Variants in CHD8 observed in about 807,000 individuals in gnomAD.
CHD8 encodes chromodomain helicase DNA binding protein 8, also known as ATP-dependent chromatin remodeler CHD8.
In CHD8, 31 loss-of-function variants were observed where a neutral mutation model predicts 279.2. That is an observed-to-expected ratio of 0.11 (90% CI 0.08 to 0.15). The LOEUF (loss-of-function observed/expected upper bound fraction) is 0.15. Among genes scored for constraint, CHD8 ranks in the 10% least tolerant of loss-of-function variants. The pLI, the probability that CHD8 is intolerant of heterozygous loss-of-function variation, is 1.00. For missense variants in CHD8, 2,146 were observed against 3,230.5 expected (o/e 0.66, Z 8.14); for synonymous variants, 1,081 against 1,139.6 (o/e 0.95, Z 1.04).
At chr14:21,414,726 G>A in intron 8 of CHD8, 3 of 611,070 alleles carry the variant, frequency 4.9e-6, no homozygotes, top group Non-Finnish European at 8.7e-6. Context: ...ATTTTATCAG[G>A]AACCACCCTC....
Position 21,394,113 on chromosome 14 carries a change from C to A in CHD8, c.5682G>T (p.Arg1894=). 1 of 1,613,682 alleles carries A rather than the reference C, an allele frequency of 6.2e-7. No homozygotes were observed. Among genetic ancestry groups the A allele is most frequent in the Non-Finnish European group, 8.5e-7 (1 of 1,179,756 alleles). Residue 1894 remains arginine (R), a synonymous_variant, in exon 32 of 38, where the codon CGG becomes CGT. Transcript: ENST00000646647. ...GGCATAAAACTTGTTCCCGTAAGCG[C>A]CGAAGCAATTCTATACGGTAGAGAG... ...SRTLYRIELL[R]RLREQVLCHP...
chr14:21,415,691 C>A, intron 6 of CHD8, 34 bp downstream of exon 6: 1 of 1,612,730 alleles, frequency 6.2e-7, no homozygotes, highest in South Asian at 1.1e-5. Flanking sequence ...ACCAGCAAGG[C>A]AATCCTCTGA....
intron 35 of CHD8, 53 bp from the exon 36 acceptor site, chr14:21,391,695 A>G: frequency 5.9e-6 from 3 of 510,188 alleles, no homozygotes; most frequent in Non-Finnish European, 7.7e-6. Flanking sequence ...TGGGGGAGGG[A>G]GGGAGGGGGA....
In CHD8 at chr14:21,403,357, T is replaced by C. The variant is rs1301948587; in HGVS notation, c.3518+96A>G. 1.6e-6 allele frequency: 2 copies of C among 1,269,934 alleles called. No homozygotes were observed. Among genetic ancestry groups the C allele is most frequent in the Admixed American group, 2.3e-5 (1 of 42,790 alleles). 78.7% of individuals were successfully genotyped at this position (1,269,934 alleles called of 1,614,324 possible). On this transcript the variant is annotated intron_variant, in intron 17 of 37. Coordinates refer to ENST00000646647, the MANE Select transcript of CHD8 (RefSeq NM_001170629.2). The surrounding 1 kb of genome is among the most constrained non-coding windows in gnomAD (Gnocchi z 4.3). ...GTGAGAATCTTAAAAACTTCTCTTA[T>C]TGCAATTGGTGAACTCTAATTAAAT...
rs537081908 is a variant in CHD8 at position 21,430,996 on chromosome 14, G to A, written c.648C>T (p.Ser216=). Residue 216 remains serine, a synonymous_variant, in exon 2 of 38, where the codon TCC becomes TCT. Transcript: ENST00000646647. ...LTGTPLRPGV[S]IVSGNTVLAA... Reference sequence around the variant, plus strand: ...CCAACACTGTATTACCAGAGACAATGGAAACACCTGGTCGAAGGGGTGTGC... The same window carrying A: ...CCAACACTGTATTACCAGAGACAATAGAAACACCTGGTCGAAGGGGTGTGC... The A allele has an allele frequency of 6.3e-6, 10 of 1,599,550 alleles. No individual in the cohort carries two copies. In the Admixed American group the frequency reaches 1.5e-4, roughly 24 times the overall value.
chr14:21,441,465 C>A (rs576057511), intron 1 of CHD8, among the ~76,000 whole-genome samples: 121 of 152,086 alleles, frequency 8.0e-4, no homozygotes, highest in Non-Finnish European at 1.6e-3. Flanking sequence ...TGTTTATTGG[C>A]CTTTTGCTAA....
Position 21,408,937 on chromosome 14 carries a change from A to C in CHD8, c.2365-112T>G. 1 of 1,093,256 alleles carries C rather than the reference A, an allele frequency of 9.1e-7. No homozygotes were observed. Among genetic ancestry groups the C allele is most frequent in the Non-Finnish European group, 1.3e-6 (1 of 773,976 alleles). The allele number at this position is 1,093,256 out of a possible 1,614,324, so 67.7% of individuals were successfully genotyped here. A position where few individuals can be genotyped will look rare whatever the true frequency, so the allele number is the denominator to read the frequency against. The stretch of plus-strand genomic sequence containing the variant: ...TTCAAAACAACATTGTTTGGATTAA[A>C]ACATGTCAAATATATTTAAATTTAT... On this transcript the variant is annotated intron_variant, in intron 11 of 37. Coordinates refer to ENST00000646647, the MANE Select transcript of CHD8 (RefSeq NM_001170629.2). The surrounding 1 kb of genome is among the most constrained non-coding windows in gnomAD (Gnocchi z 4.3).
At chr14:21,427,764 G>A in intron 4 of CHD8, 105 bp downstream of exon 4, 5 of 1,527,124 alleles carry the variant, frequency 3.3e-6, no homozygotes, top group Non-Finnish European at 4.4e-6. Context: ...TTGTTTTGGA[G>A]GTACCAGATG....
chr14:21,396,158 G>A (rs554416981), intron 27 of CHD8, among the ~76,000 whole-genome samples: 5 of 151,456 alleles, frequency 3.3e-5, no homozygotes, highest in African/African-American at 4.9e-5. Context: ...CACCGCACCC[G>A]GCTAATTTTC....
intron 27 of CHD8, 111 bp from the exon 28 acceptor site, chr14:21,396,003 T>TAATA (rs1451158167): frequency 1.3e-6 from 1 of 758,076 alleles, no homozygotes; most frequent in East Asian, 2.5e-5. Context: ...TAATCTTTAT[T>TAATA]AGTATTATTT....
rs183218559 is a variant in CHD8 at position 21,403,827 on chromosome 14, G to A, written c.3308-164C>T. On this transcript the variant is annotated intron_variant, in intron 16 of 37. Transcript: ENST00000646647. This position sits in a 1 kb window ranked among gnomAD's most constrained non-coding sequence, Gnocchi z 4.3. ...AAAAAGTCTTAAATCGGCTGGGTAC[G>A]GTGGCTCATGCCTGTAATCCCAACA... Among the ~76,000 whole-genome samples the A allele has an allele frequency of 1.4e-3, 218 of 152,282 alleles. 1 individual carries two copies. Among genetic ancestry groups the A allele is most frequent in the African/African-American group, 4.9e-3 (204 of 41,564 alleles).
chr14:21,405,660 G>A lies in CHD8; in HGVS notation c.3051+61C>T. 6.3e-7 allele frequency: 1 copy of A among 1,580,750 alleles called. No homozygotes were observed. Among genetic ancestry groups the A allele is most frequent in the Non-Finnish European group, 8.7e-7 (1 of 1,155,594 alleles). ...GAGATACCCATGACAACAGATGTCT[G>A]CCTTGTACAAACTTCACCTTCTTTG... On this transcript the variant is annotated intron_variant, in intron 15 of 37. Coordinates refer to ENST00000646647, the MANE Select transcript of CHD8 (RefSeq NM_001170629.2). The surrounding 1 kb of genome is among the most constrained non-coding windows in gnomAD (Gnocchi z 4.2).
rs1254024079 is a variant in CHD8, at chr14:21,402,611, T to C, written c.3715-108A>G. 4 of 1,069,156 alleles carry C rather than the reference T, an allele frequency of 3.7e-6. No individual in the cohort carries two copies. Among genetic ancestry groups the C allele is most frequent in the East Asian group, 5.3e-5 (2 of 38,082 alleles). 66.2% of individuals were successfully genotyped at this position (1,069,156 alleles called of 1,614,324 possible). On this transcript the variant is annotated intron_variant, in intron 18 of 37. Transcript: ENST00000646647. The surrounding 1 kb of genome is among the most constrained non-coding windows in gnomAD (Gnocchi z 4.5). ...TTCTTTCACCTCTATAGAGCAGCCATGAGATCAACTCAAAACCAAGAGTCA... is the reference window on the plus strand; with the variant it reads ...TTCTTTCACCTCTATAGAGCAGCCACGAGATCAACTCAAAACCAAGAGTCA...
rs568755523 is a variant in CHD8 at position 21,421,759 on chromosome 14, C to G, written c.1716+4369G>C. On this transcript the variant is annotated intron_variant, in intron 5 of 37. Coordinates refer to ENST00000646647, the MANE Select transcript of CHD8 (RefSeq NM_001170629.2). Reference sequence around the variant, plus strand: ...ATCCATATGTTGAAGCCCCTAACCCCCAGTACCTCAGAATGTGAGTGTATT... The same window carrying G: ...ATCCATATGTTGAAGCCCCTAACCCGCAGTACCTCAGAATGTGAGTGTATT... 3.9e-5 allele frequency among the ~76,000 whole-genome samples: 6 copies of G among 152,270 alleles called. No individual in the cohort carries two copies. The South Asian group carries it at 1.2e-3, about 32-fold the overall frequency.
intron 2 of CHD8, 112 bp from the exon 3 acceptor site, chr14:21,429,447 C>G: frequency 9.5e-7 from 1 of 1,048,692 alleles, no homozygotes; most frequent in Non-Finnish European, 1.5e-6. Flanking sequence ...GGTCAGAAGA[C>G]ACAGTACAAC....
chr14:21,415,411 A>G (rs1052179040), intron 7 of CHD8, 163 bp downstream of exon 7: 2 of 366,318 alleles, frequency 5.5e-6, no homozygotes, highest in Admixed American at 9.1e-5. Flanking sequence ...GAGGCAGAAG[A>G]ATAGCTCAAG....
Position 21,429,217 on chromosome 14 carries a change from A to C in CHD8, c.962T>G (p.Leu321Arg). 3 of 1,614,010 alleles carry C rather than the reference A, an allele frequency of 1.9e-6. No individual in the cohort carries two copies. The highest frequency in any genetic ancestry group is 2.5e-6 in the Non-Finnish European group (3 of 1,179,876). The change falls in exon 3 of 38, where the codon CTG becomes CGG. Residue 321 changes from leucine (L) to arginine (R), a missense_variant. Leu to Arg is a moderately radical substitution (Grantham distance 102, BLOSUM62 -2). This residue lies in a region of CHD8 where 170 missense variants were observed against 189.9 expected (regional missense o/e 0.90). Coordinates refer to ENST00000646647, the MANE Select transcript of CHD8 (RefSeq NM_001170629.2). ...PGKIVLQGNQ[L>R]AALTQAKNAQ... ...ATTCTTGGCTTGAGTCAGGGCTGCC[A>C]GCTGGTTGCCCTGTAACACTATCTT... is the stretch of plus-strand genomic sequence containing the variant.
intron 28 of CHD8, 51 bp from the exon 29 acceptor site, chr14:21,395,403 G>T: frequency 7.5e-7 from 1 of 1,326,068 alleles, no homozygotes; most frequent in East Asian, 2.4e-5. Context: ...GAAAGGGGGG[G>T]AAGTTGGCAC....
intron 26 of CHD8, chr14:21,398,920 T>C (rs564301947): frequency 2.4e-5 from 8 of 332,716 alleles, no homozygotes; most frequent in South Asian, 1.2e-4. Context: ...CAAGCTGACA[T>C]AGAGATGCAG....
Sources: allele counts gnomAD v4.1 joint callset (sites outside exome capture counted in the v4.1 genomes callset), GRCh38; gene constraint gnomAD v4.1.1; regional missense constraint gnomAD v4.1.1; non-coding constraint Gnocchi (gnomAD v3.1); transcripts MANE v1.5; gene names NCBI Gene and HGNC (gene_info 2026-07-23, HGNC 2026-07-21).